TFCP2L1: variants seen among roughly 807,000 people sequenced by gnomAD.
TFCP2L1 encodes the protein transcription factor CP2 like 1, also known as transcription factor CP2-like protein 1.
In TFCP2L1, 12 loss-of-function variants were observed where a neutral mutation model predicts 72.2. The ratio of observed to expected loss-of-function variants is 0.17; its 90% CI spans 0.11 to 0.27. TFCP2L1 has a LOEUF of 0.27. Among genes scored for constraint, TFCP2L1 ranks in the 10% least tolerant of loss-of-function variants. The pLI, the probability that TFCP2L1 is intolerant of heterozygous loss-of-function variation, is 1.00. For synonymous variants in TFCP2L1, 260 were observed against 251.0 expected, an observed-to-expected ratio of 1.04 and a Z score of -0.34; for missense variants, 488 against 624.6, an observed-to-expected ratio of 0.78 and a Z score of 2.33.
At chr2:121,246,996 G>A (rs751176918) in intron 5 of TFCP2L1, 26 bp from the exon 6 acceptor site, 64 of 1,613,274 alleles carry the variant, frequency 4.0e-5, no homozygotes, top group Admixed American at 1.7e-5. Context: ...TTGGGCAGGT[G>A]GCAAGGAGGC....
At chr2:121,228,897 G>A (rs575014692) in intron 13 of TFCP2L1, among the ~76,000 whole-genome samples, 1 of 145,990 alleles carries the variant, frequency 6.8e-6, no homozygotes, top group South Asian at 2.1e-4. Flanking sequence ...ATGGCTGCGT[G>A]TTTGCTGCAT....
At chr2:121,237,588 C>T (rs1686277326) in intron 10 of TFCP2L1, 35 bp downstream of exon 10, 1 of 1,610,914 alleles carries the variant, frequency 6.2e-7, no homozygotes, top group East Asian at 2.2e-5. Flanking sequence ...CTCCAAGATA[C>T]TCATGGGCTT....
chr2:121,279,398 G>A (rs1033885299), intron 2 of TFCP2L1, among the ~76,000 whole-genome samples: 4 of 152,152 alleles, frequency 2.6e-5, no homozygotes, highest in South Asian at 2.1e-4. Context: ...GCCACCGTCC[G>A]CTGCAGATGG....
At chr2:121,246,173 C>T (rs1273867114) in intron 6 of TFCP2L1, among the ~76,000 whole-genome samples, 2 of 152,234 alleles carry the variant, frequency 1.3e-5, no homozygotes, top group African/African-American at 4.8e-5. Flanking sequence ...GATGCAAGCT[C>T]ATGCAACCCT....
chr2:121,218,949 C>G lies in TFCP2L1; in HGVS notation c.*5392G>C, dbSNP rs1242895839. 6.6e-6 allele frequency: 1 copy of G among 152,290 alleles called. No homozygotes were observed. The highest frequency in any genetic ancestry group is 1.9e-4 in the East Asian group (1 of 5,192). The allele number at this position is 152,290 out of a possible 1,614,324, so 9.4% of individuals were successfully genotyped here. On this transcript the variant is annotated 3_prime_UTR_variant, in exon 15 of 15. Coordinates refer to ENST00000263707, the MANE Select transcript of TFCP2L1 (RefSeq NM_014553.3). ...CCTGGGGTGCCTGACCAGCGCCTCA[C>G]TGGCCCTCAAGCCCTGTCCCTAAGG...
In TFCP2L1 at chr2:121,239,657, A is replaced by C; in HGVS notation, c.769-8T>G. 1 of 1,613,336 alleles carries C rather than the reference A, an allele frequency of 6.2e-7. No homozygotes were observed. Among genetic ancestry groups the C allele is most frequent in the Non-Finnish European group, 8.5e-7 (1 of 1,179,568 alleles). Reference sequence around the variant, plus strand: ...GTCGGGCCATGGAGAGCACTGCAGGAGAGAGCACAGGGCGAGCTGGGATCT... The same window carrying C: ...GTCGGGCCATGGAGAGCACTGCAGGCGAGAGCACAGGGCGAGCTGGGATCT... On this transcript the variant is annotated splice_polypyrimidine_tract_variant and splice_region_variant and intron_variant, in intron 7 of 14. Coordinates refer to ENST00000263707, the MANE Select transcript of TFCP2L1 (RefSeq NM_014553.3).
chr2:121,269,007 A>C (rs1686989256), intron 2 of TFCP2L1, among the ~76,000 whole-genome samples: 1 of 151,930 alleles, frequency 6.6e-6, no homozygotes. Context: ...AAAGTATCAA[A>C]GATTAGGGAA....
At chr2:121,228,640 C>T (rs1482191284) in intron 13 of TFCP2L1, among the ~76,000 whole-genome samples, 1 of 151,518 alleles carries the variant, frequency 6.6e-6, no homozygotes, top group East Asian at 1.9e-4. Context: ...GTGGAACATG[C>T]CTGTGGTCCC....
At chr2:121,283,361 T>C (rs1687302639) in intron 1 of TFCP2L1, among the ~76,000 whole-genome samples, 1 of 151,762 alleles carries the variant, frequency 6.6e-6, no homozygotes, top group African/African-American at 2.4e-5. Flanking sequence ...CCCTCTAGAG[T>C]CAGGGGACCA....
At chr2:121,285,019 G>T (rs1048014416) in intron 1 of TFCP2L1, 29 bp downstream of exon 1, 1 of 1,465,838 alleles carries the variant, frequency 6.8e-7, no homozygotes, top group Non-Finnish European at 9.0e-7. Flanking sequence ...CCCGGCCCGA[G>T]ACCCGCGGGG....
At chr2:121,243,167 C>A (rs1686412889) in intron 6 of TFCP2L1, among the ~76,000 whole-genome samples, 1 of 152,210 alleles carries the variant, frequency 6.6e-6, no homozygotes, top group East Asian at 1.9e-4. Flanking sequence ...TATGTAGTCT[C>A]CTGAGCATGT....
At chr2:121,252,902 T>G (rs1178752928) in intron 2 of TFCP2L1, among the ~76,000 whole-genome samples, 1 of 152,204 alleles carries the variant, frequency 6.6e-6, no homozygotes, top group Non-Finnish European at 1.5e-5. Context: ...TCATTCCAAA[T>G]GTTTGTTCAC....
intron 2 of TFCP2L1, among the ~76,000 whole-genome samples, chr2:121,267,406 A>G (rs1203842625): frequency 1.3e-5 from 2 of 152,234 alleles, no homozygotes; most frequent in East Asian, 3.8e-4. Flanking sequence ...ATTCAATCAC[A>G]TAAGTATGAT....
chr2:121,269,754 C>T (rs1054124428), intron 2 of TFCP2L1, among the ~76,000 whole-genome samples: 4 of 151,670 alleles, frequency 2.6e-5, no homozygotes, highest in African/African-American at 9.7e-5. Flanking sequence ...ACTAAAAATA[C>T]AAAAATTAGC....
intron 2 of TFCP2L1, among the ~76,000 whole-genome samples, chr2:121,265,475 T>C (rs906946419): frequency 2.0e-5 from 3 of 152,080 alleles, no homozygotes; most frequent in Non-Finnish European, 4.4e-5. Context: ...GTGAATCATA[T>C]CACAATAAAG....
In TFCP2L1 at chr2:121,248,247, A is replaced by C; in HGVS notation, c.421T>G (p.Leu141Val). Residue 141 changes from leucine to valine, a missense_variant, in exon 5 of 15, where the codon TTG becomes GTG. Transcript: ENST00000263707. ...DIDIPLSVGILDPRASPTQLN... is the reference protein window; with the variant it reads ...DIDIPLSVGIVDPRASPTQLN... ...TGGGTCGGGCTGGCCCTGGGGTCCA[A>C]GATACCAACAGACAGTGGAATATCT... is the stretch of plus-strand genomic sequence containing the variant. The C allele has an allele frequency of 6.2e-7, 1 of 1,614,008 alleles. No homozygotes were observed. The highest frequency in any genetic ancestry group is 8.5e-7 in the Non-Finnish European group (1 of 1,179,994).
intron 13 of TFCP2L1, among the ~76,000 whole-genome samples, chr2:121,229,152 G>C (rs963659948): frequency 3.3e-5 from 5 of 152,006 alleles, no homozygotes; most frequent in African/African-American, 1.2e-4. Flanking sequence ...CCTGACCTCA[G>C]GTGATCCACC....
In TFCP2L1 at chr2:121,274,788, T is replaced by C. The variant is rs962397902; in HGVS notation, c.214+6332A>G. The stretch of plus-strand genomic sequence containing the variant: ...AGTGGGATCTTGTATCTACGAAAAA[T>C]AGAAAAATTAGCTGAGTGTGGTAGC... On this transcript the variant is annotated intron_variant, in intron 2 of 14. Coordinates refer to ENST00000263707, the MANE Select transcript of TFCP2L1 (RefSeq NM_014553.3). 7.3e-5 allele frequency among the ~76,000 whole-genome samples: 11 copies of C among 151,594 alleles called. No homozygotes were observed. In the East Asian group the frequency reaches 9.8e-4, roughly 14 times the overall value.
chr2:121,229,354 A>C (rs2104662612), intron 13 of TFCP2L1, among the ~76,000 whole-genome samples: 1 of 152,264 alleles, frequency 6.6e-6, no homozygotes. Flanking sequence ...AGCTTTTTTC[A>C]CATCTACCTT....
Sources: allele counts gnomAD v4.1 joint callset (sites outside exome capture counted in the v4.1 genomes callset), GRCh38; gene constraint gnomAD v4.1.1; transcripts MANE v1.5; gene names NCBI Gene and HGNC (gene_info 2026-07-23, HGNC 2026-07-21).